Variants in ZFHX3 observed in about 807,000 individuals in gnomAD.
ZFHX3 encodes the protein zinc finger homeobox 3, also known as zinc finger homeobox protein 3.
A neutral mutation model predicts 279.1 loss-of-function variants in ZFHX3; 42 were observed. That is an observed-to-expected ratio of 0.15 (90% CI 0.12 to 0.19). The LOEUF is 0.19. Ranked by LOEUF, ZFHX3 falls within the 10% of genes least tolerant of loss-of-function variation. The pLI, the probability that ZFHX3 is intolerant of heterozygous loss-of-function variation, is 1.00. For missense variants in ZFHX3, 4,981 were observed against 4,754.0 expected, an observed-to-expected ratio of 1.05 and a Z score of -1.40; for synonymous variants, 2,293 against 1,957.8, an observed-to-expected ratio of 1.17 and a Z score of -4.52.
At chr16:73,854,832 G>T (rs1324210077) in intron 1 of ZFHX3, among the ~76,000 whole-genome samples, 2 of 149,818 alleles carry the variant, frequency 1.3e-5, no homozygotes, top group Non-Finnish European at 3.0e-5. Context: ...TTACCATATT[G>T]CACTTGTATC....
chr16:73,524,975 G>A (rs768207388), intron 2 of ZFHX3, among the ~76,000 whole-genome samples: 4 of 152,110 alleles, frequency 2.6e-5, no homozygotes, highest in Admixed American at 6.5e-5. Flanking sequence ...ACATGGTCAC[G>A]TAAGAAGGAC....
chr16:73,013,435 G>A (rs1333473444), intron 1 of ZFHX3, among the ~76,000 whole-genome samples: 1 of 152,072 alleles, frequency 6.6e-6, no homozygotes, highest in Non-Finnish European at 1.5e-5. Flanking sequence ...CCACAGGCGT[G>A]TGCCACCACA....
chr16:73,529,443 A>G lies in ZFHX3; in HGVS notation c.-1546-73185T>C, dbSNP rs74028702. On this transcript the variant is annotated intron_variant, in intron 2 of 17. Transcript: ENST00000641206. ...TGTGTTCAAACAGCCTCCCAAAGAG[A>G]GAAACTTAGCATGGCACCCACCCAG... 7.9e-3 allele frequency among the ~76,000 whole-genome samples: 1,197 copies of G among 152,268 alleles called. 17 individuals are homozygous for G. Among genetic ancestry groups the G allele is most frequent in the African/African-American group, 0.027 (1,130 of 41,544 alleles).
At chr16:73,113,448 A>G (rs1210417752) in intron 7 of ZFHX3, among the ~76,000 whole-genome samples, 1 of 152,170 alleles carries the variant, frequency 6.6e-6, no homozygotes, top group Non-Finnish European at 1.5e-5. Context: ...ACAGGCCACA[A>G]TAAATACGGC....
intron 5 of ZFHX3, among the ~76,000 whole-genome samples, chr16:73,225,902 C>T (rs2012576876): frequency 6.6e-6 from 1 of 152,178 alleles, no homozygotes. Context: ...TGACCGACAC[C>T]TACTACACTC....
chr16:72,982,706 C>T (rs1216755557), intron 1 of ZFHX3, among the ~76,000 whole-genome samples: 1 of 152,114 alleles, frequency 6.6e-6, no homozygotes, highest in Non-Finnish European at 1.5e-5. Flanking sequence ...AGAAACAAAT[C>T]CACTAAAGCA....
At chr16:73,065,903 A>G (rs1273683298) in intron 8 of ZFHX3, among the ~76,000 whole-genome samples, 1 of 152,238 alleles carries the variant, frequency 6.6e-6, no homozygotes, top group East Asian at 1.9e-4. Context: ...TCTCAGAAAT[A>G]GAGAAAAATG....
chr16:73,089,189 C>T (rs200370320), intron 8 of ZFHX3, among the ~76,000 whole-genome samples: 24 of 152,032 alleles, frequency 1.6e-4, no homozygotes, highest in African/African-American at 4.8e-4. Context: ...CTGCAACCTC[C>T]GCCTCCCAGG....
chr16:73,573,422 A>G (rs1280478919), intron 2 of ZFHX3, among the ~76,000 whole-genome samples: 1 of 151,854 alleles, frequency 6.6e-6, no homozygotes, highest in Non-Finnish European at 1.5e-5. Flanking sequence ...AGCACAGAAA[A>G]CCCCCAGCCC....
At chr16:73,292,980 G>A (rs561766639) in intron 4 of ZFHX3, among the ~76,000 whole-genome samples, 1 of 152,318 alleles carries the variant, frequency 6.6e-6, no homozygotes, top group Admixed American at 6.5e-5. Context: ...TTCAGAGATG[G>A]CATCTACCAT....
chr16:73,665,334 C>T (rs2142179073), intron 2 of ZFHX3, among the ~76,000 whole-genome samples: 1 of 152,146 alleles, frequency 6.6e-6, no homozygotes, highest in African/African-American at 2.4e-5. Flanking sequence ...CTGCCTCAGC[C>T]TCCCGAGTAG....
intron 2 of ZFHX3, among the ~76,000 whole-genome samples, chr16:73,496,788 C>T (rs1488839549): frequency 6.6e-6 from 1 of 152,008 alleles, no homozygotes; most frequent in Non-Finnish European, 1.5e-5. Context: ...ATGGGAGGCA[C>T]TGGGAGGAGT....
rs551421330 is a variant in ZFHX3, at chr16:72,866,305, A to G, written c.3448+23426T>C. ...AATGACACTTTATGTACATTCCCTCACTTAACTGTCAAACAAAGATTAATG... is the reference window on the plus strand; with the variant it reads ...AATGACACTTTATGTACATTCCCTCGCTTAACTGTCAAACAAAGATTAATG... On this transcript the variant is annotated intron_variant, in intron 4 of 9. Coordinates refer to ENST00000268489, the MANE Select transcript of ZFHX3 (RefSeq NM_006885.4). Among the ~76,000 whole-genome samples, 4 of 152,346 alleles carry G rather than the reference A, an allele frequency of 2.6e-5. No homozygotes were observed. In the East Asian group the frequency reaches 7.7e-4, roughly 29 times the overall value.
intron 4 of ZFHX3, among the ~76,000 whole-genome samples, chr16:72,835,899 C>T (rs145395904): frequency 9.3e-4 from 142 of 152,320 alleles, no homozygotes; most frequent in Non-Finnish European, 1.7e-3. Context: ...GAAACCTCTA[C>T]TGGCTGCAAA....
intron 2 of ZFHX3, among the ~76,000 whole-genome samples, chr16:73,662,154 C>T (rs1468836376): frequency 6.6e-6 from 1 of 152,034 alleles, no homozygotes; most frequent in Non-Finnish European, 1.5e-5. Flanking sequence ...ATGTTAAAAC[C>T]CTGATATTAC....
At chr16:73,299,687 G>A (rs1337171855) in intron 4 of ZFHX3, among the ~76,000 whole-genome samples, 1 of 152,196 alleles carries the variant, frequency 6.6e-6, no homozygotes, top group East Asian at 1.9e-4. Flanking sequence ...GGCCCGCAAA[G>A]GGCAGGCTGA....
At chr16:73,053,746 C>G (rs1306132674) in intron 1 of ZFHX3, among the ~76,000 whole-genome samples, 1 of 152,174 alleles carries the variant, frequency 6.6e-6, no homozygotes, top group Non-Finnish European at 1.5e-5. Context: ...GGAGCACACT[C>G]CCCCTTCCCC....
At chr16:72,921,069 C>CAAAAAAAAAAAAA (rs57294537) in intron 3 of ZFHX3, among the ~76,000 whole-genome samples, 1 of 23,584 alleles carries the variant, frequency 4.2e-5, no homozygotes, top group African/African-American at 1.4e-4. Flanking sequence ...CAGACCTTGT[C>CAAAAAAAAAAAAA]AAAAAAAAAA....
At chr16:72,997,845 C>T (rs750448717) in intron 1 of ZFHX3, among the ~76,000 whole-genome samples, 19 of 152,038 alleles carry the variant, frequency 1.2e-4, no homozygotes, top group Middle Eastern at 3.2e-3. Flanking sequence ...TTTGGGAGGC[C>T]GAGGCGGCAA....
Sources: allele counts gnomAD v4.1 joint callset (sites outside exome capture counted in the v4.1 genomes callset), GRCh38; gene constraint gnomAD v4.1.1; transcripts MANE v1.5; gene names NCBI Gene and HGNC (gene_info 2026-07-23, HGNC 2026-07-21).